Variants in FAF1 observed in about 807,000 individuals in gnomAD.
The protein encoded by FAF1 is FAS-associated factor 1.
In FAF1, 25 loss-of-function variants were observed where a neutral mutation model predicts 92.5. The observed-to-expected ratio is 0.27, with a 90% CI of 0.20 to 0.38. The LOEUF is 0.38. Ranked by LOEUF, FAF1 falls within the 10% of genes least tolerant of loss-of-function variation. The probability of loss-of-function intolerance (pLI) is 1.00; values close to 1 mark genes in which losing one functional copy is unlikely to be tolerated. For missense variants in FAF1, 636 were observed against 793.3 expected (o/e 0.80, Z 2.38); for synonymous variants, 234 against 273.2 (o/e 0.86, Z 1.42).
At chr1:50,809,988 G>A (rs1178344747) in intron 2 of FAF1, among the ~76,000 whole-genome samples, 1 of 152,206 alleles carries the variant, frequency 6.6e-6, no homozygotes, top group Non-Finnish European at 1.5e-5. Context: ...TGGCGCAGTG[G>A]CTCATGCCTG....
At chr1:50,489,363 C>A (rs1183994258) in intron 17 of FAF1, among the ~76,000 whole-genome samples, 1 of 152,222 alleles carries the variant, frequency 6.6e-6, no homozygotes, top group Admixed American at 6.5e-5. Flanking sequence ...GCCCTTCAGG[C>A]CTTTCCATTG....
intron 18 of FAF1, among the ~76,000 whole-genome samples, chr1:50,458,298 G>T (rs1332306862): frequency 6.6e-6 from 1 of 152,188 alleles, no homozygotes; most frequent in Non-Finnish European, 1.5e-5. Flanking sequence ...GTTCAGCATA[G>T]TATGGGGAAA....
chr1:50,932,464 C>A (rs1360220562), intron 1 of FAF1, among the ~76,000 whole-genome samples: 2 of 152,198 alleles, frequency 1.3e-5, no homozygotes, highest in Non-Finnish European at 2.9e-5. Flanking sequence ...TTTAAAGCGC[C>A]AAAATGATCT....
intron 16 of FAF1, among the ~76,000 whole-genome samples, chr1:50,491,315 T>C (rs1646836696): frequency 6.6e-6 from 1 of 152,200 alleles, no homozygotes; most frequent in Non-Finnish European, 1.5e-5. Context: ...GAAACTTCCT[T>C]TGAGAGCAGA....
chr1:50,586,250 T>C (rs1012838148), intron 9 of FAF1, among the ~76,000 whole-genome samples: 3 of 152,190 alleles, frequency 2.0e-5, no homozygotes, highest in African/African-American at 7.2e-5. Context: ...CTCTGGTTGA[T>C]ACAGGGAGAG....
chr1:50,618,612 C>T (rs1187640902), intron 8 of FAF1, among the ~76,000 whole-genome samples: 3 of 151,724 alleles, frequency 2.0e-5, no homozygotes, highest in Admixed American at 6.6e-5. Flanking sequence ...TCTGGGTGCT[C>T]CAATGCTGGG....
At chr1:50,622,529 CTT>C (rs1411789883) in intron 8 of FAF1, among the ~76,000 whole-genome samples, 5 of 152,210 alleles carry the variant, frequency 3.3e-5, no homozygotes, top group African/African-American at 1.2e-4. Flanking sequence ...CATCCACTCT[CTT>C]GAGAGTTACT....
intron 8 of FAF1, among the ~76,000 whole-genome samples, chr1:50,639,377 T>C (rs1188571800): frequency 6.6e-6 from 1 of 152,216 alleles, no homozygotes; most frequent in Non-Finnish European, 1.5e-5. Context: ...TTTTCCAGAG[T>C]GGCTATACTA....
At chr1:50,958,887 C>T (rs1645293051) in intron 1 of FAF1, among the ~76,000 whole-genome samples, 1 of 152,148 alleles carries the variant, frequency 6.6e-6, no homozygotes, top group South Asian at 2.1e-4. Flanking sequence ...CCAAAAATAT[C>T]TCACTAAAAT....
intron 1 of FAF1, among the ~76,000 whole-genome samples, chr1:50,938,911 T>C (rs750902880): frequency 6.6e-6 from 1 of 152,232 alleles, no homozygotes; most frequent in African/African-American, 2.4e-5. Context: ...TTCTATTCTG[T>C]TCCATTGGTC....
intron 2 of FAF1, chr1:50,846,417 C>G (rs908045183): frequency 2.6e-5 from 10 of 384,870 alleles, no homozygotes; most frequent in African/African-American, 1.9e-4. Flanking sequence ...CCCGCCCCTT[C>G]GCGTCCTGGG....
chr1:50,811,395 C>T (rs1330893465), intron 2 of FAF1, among the ~76,000 whole-genome samples: 1 of 152,060 alleles, frequency 6.6e-6, no homozygotes, highest in South Asian at 2.1e-4. Context: ...AAATTAGTAG[C>T]ATTTCTATAT....
chr1:50,487,124 G>T (rs1646778364), intron 17 of FAF1, among the ~76,000 whole-genome samples: 1 of 152,188 alleles, frequency 6.6e-6, no homozygotes, highest in Non-Finnish European at 1.5e-5. Context: ...TATAGTTGGG[G>T]TTAGTATTCA....
rs555873403 is a variant in FAF1 at position 50,952,836 on chromosome 1, C to T, written c.45+6931G>A. 9.9e-5 allele frequency among the ~76,000 whole-genome samples: 15 copies of T among 152,232 alleles called. No homozygotes were observed. The East Asian group carries it at 1.5e-3, about 16-fold the overall frequency. On this transcript the variant is annotated intron_variant, in intron 1 of 18. Transcript: ENST00000396153. The stretch of plus-strand genomic sequence containing the variant: ...GCGAGGAGCCCCTCCGCCCGGCAGC[C>T]GCCCCGTCTGGGAAGTGAGGAGCCC...
intron 1 of FAF1, among the ~76,000 whole-genome samples, chr1:50,929,461 T>C (rs373159035): frequency 6.6e-6 from 1 of 152,148 alleles, no homozygotes; most frequent in African/African-American, 2.4e-5. Context: ...TCAGATCCCT[T>C]CAAAAAAATA....
At position 50,491,777 on chromosome 1, in the gene FAF1, C is replaced by T; in HGVS notation, c.1519G>A (p.Val507Met). 6.2e-7 allele frequency: 1 copy of T among 1,612,614 alleles called. No individual in the cohort carries two copies. Among genetic ancestry groups the T allele is most frequent in the Non-Finnish European group, 8.5e-7 (1 of 1,179,434 alleles). The change falls in exon 16 of 19, where the codon GTG (valine) becomes ATG (methionine). Residue 507 changes from valine (V) to methionine (M), a missense_variant. By Grantham distance (21) the Val-to-Met change is conservative. Transcript: ENST00000396153. ...DEDEREAREN[V>M]KREQDEAYRL... ...TAGGCCTCATCTTGCTCTCTCTTCA[C>T]ATTTTCTCTGGCTTCACGTTCATCC... is the stretch of plus-strand genomic sequence containing the variant.
At chr1:50,670,289 T>C (rs1297391952) in intron 7 of FAF1, among the ~76,000 whole-genome samples, 1 of 152,110 alleles carries the variant, frequency 6.6e-6, no homozygotes, top group Admixed American at 6.5e-5. Flanking sequence ...GATTTCGCCA[T>C]GTTGTGCAGG....
chr1:50,816,455 C>A (rs752087564), intron 2 of FAF1, among the ~76,000 whole-genome samples: 3 of 151,956 alleles, frequency 2.0e-5, no homozygotes, highest in Non-Finnish European at 4.4e-5. Flanking sequence ...CCTTCCGCCT[C>A]GGCCTCCCAA....
intron 15 of FAF1, among the ~76,000 whole-genome samples, chr1:50,523,632 G>T (rs1388406177): frequency 3.3e-5 from 5 of 152,124 alleles, no homozygotes; most frequent in Non-Finnish European, 7.4e-5. Context: ...TTGTCGTGTT[G>T]TAGGAGTTAA....
Sources: allele counts gnomAD v4.1 joint callset (sites outside exome capture counted in the v4.1 genomes callset), GRCh38; gene constraint gnomAD v4.1.1; transcripts MANE v1.5; gene names NCBI Gene and HGNC (gene_info 2026-07-23, HGNC 2026-07-21).